Variants in RYR1 observed in about 807,000 individuals in gnomAD.
RYR1 encodes central core disease of muscle.
Under a neutral mutation model 583.5 loss-of-function variants are expected in RYR1, and 342 were observed. The observed-to-expected ratio is 0.59, with a 90% CI of 0.54 to 0.64. RYR1 has a LOEUF of 0.64. Ranked by LOEUF, RYR1 falls within the 30% of genes least tolerant of loss-of-function variation. The pLI is 0.00. For synonymous variants in RYR1, 2,791 were observed against 2,822.5 expected (o/e 0.99, Z 0.35); for missense variants, 6,032 against 6,917.2 (o/e 0.87, Z 4.54).
chr19:38,536,168 C>T, intron 82 of RYR1, 98 bp downstream of exon 82: 1 of 1,128,496 alleles, frequency 8.9e-7, no homozygotes, highest in Admixed American at 2.0e-5. Context: ...CTCCCTTCCT[C>T]CAAGACACTG....
chr19:38,543,892 T>C lies in RYR1; in HGVS notation c.12012+17T>C, dbSNP rs572697153. 6.2e-7 allele frequency: 1 copy of C among 1,610,166 alleles called. No homozygotes were observed. Among genetic ancestry groups the C allele is most frequent in the East Asian group, 2.2e-5 (1 of 44,820 alleles). ...CTCGCTCAGGTTCGAGCCCCTCTGG[T>C]CTCCATCCACCTGCTTCCGGGCGTC... On this transcript the variant is annotated intron_variant, in intron 87 of 105. Coordinates refer to ENST00000359596, the MANE Select transcript of RYR1 (RefSeq NM_000540.3). This position sits in a 1 kb window ranked among gnomAD's most constrained non-coding sequence, Gnocchi z 4.4.
chr19:38,442,309 G>T lies in RYR1; in HGVS notation c.166-40G>T, dbSNP rs1421848968. 2.2e-6 allele frequency: 3 copies of T among 1,336,564 alleles called. No homozygotes were observed. In the South Asian group the frequency reaches 3.5e-5, roughly 16 times the overall value. 82.8% of individuals were successfully genotyped at this position (1,336,564 alleles called of 1,614,324 possible). A position where few individuals can be genotyped will look rare whatever the true frequency, so the allele number is the denominator to read the frequency against. On this transcript the variant is annotated intron_variant, in intron 2 of 105. Transcript: ENST00000359596. ...GCAGGGAATGTTGCTGGGGTGGGGG[G>T]GTCTTCTGACCCCTCACTTACATCC...
chr19:38,531,753 A>C (rs1175645557), intron 76 of RYR1, among the ~76,000 whole-genome samples: 1 of 152,050 alleles, frequency 6.6e-6, no homozygotes, highest in Non-Finnish European at 1.5e-5. Context: ...AAAAAATGGA[A>C]AAATTAGCCA....
intron 37 of RYR1, among the ~76,000 whole-genome samples, chr19:38,491,841 C>G (rs1969565589): frequency 6.6e-6 from 1 of 152,216 alleles, no homozygotes; most frequent in East Asian, 1.9e-4. Flanking sequence ...GTTGAACCCC[C>G]CTAATAATTT....
chr19:38,475,297 C>T lies in RYR1; in HGVS notation c.4161-21C>T, dbSNP rs182909318. Reference sequence around the variant, plus strand: ...TGGGCTTGAAAGCTGGCTCTCATGGCGCCTCTCCTCCCACTACCAGCTTCT... The same window carrying T: ...TGGGCTTGAAAGCTGGCTCTCATGGTGCCTCTCCTCCCACTACCAGCTTCT... On this transcript the variant is annotated intron_variant, in intron 28 of 105. Coordinates refer to ENST00000359596, the MANE Select transcript of RYR1 (RefSeq NM_000540.3). The T allele has an allele frequency of 1.3e-3, 2,018 of 1,559,614 alleles. 14 individuals carry two copies. The Middle Eastern group carries it at 0.032, about 25-fold the overall frequency.
At chr19:38,434,726 C>T (rs538730093) in intron 1 of RYR1, among the ~76,000 whole-genome samples, 3 of 152,252 alleles carry the variant, frequency 2.0e-5, no homozygotes, top group South Asian at 2.1e-4. Flanking sequence ...TCTCCTTGTC[C>T]TTCCCATCTT....
Position 38,473,768 on chromosome 19 carries a change from G to C in RYR1, c.4157G>C (p.Arg1386Thr). ...KDATTEKNKKRGFLFKAKKVA... is the reference protein window; with the variant it reads ...KDATTEKNKKTGFLFKAKKVA... The stretch of plus-strand genomic sequence containing the variant: ...GCCACCACCGAGAAGAACAAGAAGA[G>C]AGGGTGAGTCGAGGGGGGCCCAGAG... The change falls in exon 28 of 106, where the codon AGA becomes ACA. Residue 1386 changes from arginine (R) to threonine (T), a missense_variant. Arg to Thr is a moderately conservative substitution (Grantham distance 71). This residue lies in a region of RYR1 where 2,627 missense variants were observed against 2,961.3 expected (regional missense o/e 0.89). Coordinates refer to ENST00000359596, the MANE Select transcript of RYR1 (RefSeq NM_000540.3). 2 of 1,525,732 alleles carry C rather than the reference G, an allele frequency of 1.3e-6. No individual in the cohort carries two copies. Among genetic ancestry groups the C allele is most frequent in the Non-Finnish European group, 1.8e-6 (2 of 1,135,026 alleles). 94.5% of individuals were successfully genotyped at this position (1,525,732 alleles called of 1,614,324 possible). A position where few individuals can be genotyped will look rare whatever the true frequency, so the allele number is the denominator to read the frequency against.
chr19:38,586,214 C>T, intron 104 of RYR1, 23 bp downstream of exon 104: 1 of 1,604,972 alleles, frequency 6.2e-7, no homozygotes, highest in Non-Finnish European at 8.5e-7. Flanking sequence ...ACTGGCCAGT[C>T]AGGAGGGTGG....
chr19:38,582,289 C>T (rs532530206), intron 101 of RYR1, among the ~76,000 whole-genome samples: 35 of 151,938 alleles, frequency 2.3e-4, no homozygotes, highest in Admixed American at 1.1e-3. Flanking sequence ...CCCAGCTACT[C>T]GGGAGGCTGA....
Position 38,440,838 on chromosome 19 carries a change from T to C in RYR1, c.139T>C (p.Phe47Leu), listed in dbSNP as rs1311093214. ...CGAGGGCTTCGGCAACCGCCTGTGC[T>C]TCCTGGAGCCCACTAGCAACGCGCA... ...AAEGFGNRLCFLEPTSNAQNV... is the reference protein window; with the variant it reads ...AAEGFGNRLCLLEPTSNAQNV... Residue 47 changes from phenylalanine to leucine, a missense_variant, in exon 2 of 106, where the codon TTC becomes CTC. Physicochemically the swap from Phe to Leu is conservative, Grantham distance 22. Transcript: ENST00000359596. The C allele has an allele frequency of 6.2e-7, 1 of 1,611,760 alleles. No individual in the cohort carries two copies. The highest frequency in any genetic ancestry group is 1.7e-5 in the Admixed American group (1 of 59,764).
chr19:38,439,186 A>AT (rs77428971), intron 1 of RYR1, among the ~76,000 whole-genome samples: 4,774 of 146,312 alleles, frequency 0.033, 228 homozygotes, highest in African/African-American at 0.097. Context: ...TACCATTACT[A>AT]TTTTTTTTTT....
chr19:38,490,858 A>G, intron 37 of RYR1, 126 bp downstream of exon 37: 1 of 718,614 alleles, frequency 1.4e-6, no homozygotes. Context: ...GGTTGAATGA[A>G]TGAATGAGTG....
Position 38,500,140 on chromosome 19 carries a change from T to A in RYR1, c.7323+124T>A, listed in dbSNP as rs536128546. ...TGTGGGTGGTCCTGGACTAGCAATG[T>A]TGGGGACACAACAGTGACCAAGACA... On this transcript the variant is annotated intron_variant, in intron 45 of 105. Transcript: ENST00000359596. The surrounding 1 kb of genome is among the most constrained non-coding windows in gnomAD (Gnocchi z 5.9). 65 of 864,100 alleles carry A rather than the reference T, an allele frequency of 7.5e-5. No individual in the cohort carries two copies. The African/African-American group carries it at 9.1e-4, about 12-fold the overall frequency. The allele number at this position is 864,100 out of a possible 1,614,324, so 53.5% of individuals were successfully genotyped here. A position where few individuals can be genotyped will look rare whatever the true frequency, so the allele number is the denominator to read the frequency against.
chr19:38,468,368 C>T (rs915702347), intron 25 of RYR1, among the ~76,000 whole-genome samples: 2 of 152,180 alleles, frequency 1.3e-5, no homozygotes, highest in African/African-American at 4.8e-5. Context: ...GTCCATCCAT[C>T]CATCCAATAA....
rs1027792397 is a variant in RYR1 at position 38,565,241 on chromosome 19, C to G, written c.12907C>G (p.Arg4303Gly). The G allele has an allele frequency of 7.1e-6, 7 of 989,278 alleles. No individual in the cohort carries two copies. The African/African-American group carries it at 8.8e-5, about 12-fold the overall frequency. The allele number at this position is 989,278 out of a possible 1,614,324, so 61.3% of individuals were successfully genotyped here. Residue 4303 changes from arginine (R) to glycine (G), a missense_variant, in exon 91 of 106, where the codon CGG becomes GGG. Arg to Gly is a moderately radical substitution (Grantham distance 125, BLOSUM62 -2). Around this residue, in one of 11 missense-constraint regions of RYR1, gnomAD observed 753 missense variants for 759.6 expected, o/e 0.99. Transcript: ENST00000359596. This position sits in a 1 kb window ranked among gnomAD's most constrained non-coding sequence, Gnocchi z 4.7. ...ATARVVAAAG[R>G]ALRGLSYRSL... ...GGCGCGGGTTGTGGCGGCCGCAGGC[C>G]GGGCCCTGCGAGGCCTCAGCTACCG...
chr19:38,466,207 C>T lies in RYR1; in HGVS notation c.2987C>T (p.Ala996Val), dbSNP rs367860207. The T allele has an allele frequency of 7.4e-6, 12 of 1,613,324 alleles. No homozygotes were observed. Among genetic ancestry groups the T allele is most frequent in the Non-Finnish European group, 1.0e-5 (12 of 1,179,960 alleles). ...GCAGAAAATGGGCACAACGTGTGGG[C>T]CCGAGACCGCGTGGGCCAGGGCTGG... ...RLAENGHNVW[A>V]RDRVGQGWSY... The change falls in exon 24 of 106, where the codon GCC becomes GTC. Residue 996 changes from alanine (A) to valine (V), a missense_variant. By Grantham distance (64) the Ala-to-Val change is moderately conservative. Coordinates refer to ENST00000359596, the MANE Select transcript of RYR1 (RefSeq NM_000540.3).
intron 7 of RYR1, among the ~76,000 whole-genome samples, chr19:38,445,359 A>G (rs1972891192): frequency 6.6e-6 from 1 of 151,862 alleles, no homozygotes; most frequent in African/African-American, 2.4e-5. Context: ...CAGCCCTCCA[A>G]CCTCAGACTT....
chr19:38,551,194 G>A (rs1972654318), intron 89 of RYR1, among the ~76,000 whole-genome samples: 1 of 151,508 alleles, frequency 6.6e-6, no homozygotes. Flanking sequence ...TTACAGGTAT[G>A]CACCACCATG....
At chr19:38,562,206 A>G (rs902256021) in intron 90 of RYR1, among the ~76,000 whole-genome samples, 8 of 152,068 alleles carry the variant, frequency 5.3e-5, no homozygotes, top group Non-Finnish European at 1.2e-4. Flanking sequence ...CACCCAGAAG[A>G]GCCCTCAGAC....
Sources: allele counts gnomAD v4.1 joint callset (sites outside exome capture counted in the v4.1 genomes callset), GRCh38; gene constraint gnomAD v4.1.1; regional missense constraint gnomAD v4.1.1; non-coding constraint Gnocchi (gnomAD v3.1); transcripts MANE v1.5; gene names NCBI Gene and HGNC (gene_info 2026-07-23, HGNC 2026-07-21).